PKD1L1: variants seen among roughly 807,000 people sequenced by gnomAD.
PKD1L1 encodes polycystin-1-like protein 1.
A neutral mutation model predicts 323.4 loss-of-function variants in PKD1L1; 236 were observed. That is an observed-to-expected ratio of 0.73 (90% CI 0.66 to 0.81). The LOEUF is 0.81. PKD1L1 is among the 40% of genes least tolerant of loss of function. The probability of loss-of-function intolerance (pLI) is 0.00; values close to 1 mark genes in which losing one functional copy is unlikely to be tolerated. For synonymous variants in PKD1L1, 1,344 were observed against 1,335.0 expected, an observed-to-expected ratio of 1.01 and a Z score of -0.15; for missense variants, 3,320 against 3,508.0, an observed-to-expected ratio of 0.95 and a Z score of 1.35.
chr7:47,808,920 C>T (rs948790912), intron 51 of PKD1L1, among the ~76,000 whole-genome samples: 9 of 152,158 alleles, frequency 5.9e-5, no homozygotes, highest in African/African-American at 1.9e-4. Flanking sequence ...TTTGTAAACA[C>T]GTTTTTCTTT....
chr7:47,904,552 C>G lies in PKD1L1; in HGVS notation c.1757G>C (p.Arg586Thr). 6.2e-7 allele frequency: 1 copy of G among 1,614,162 alleles called. No individual in the cohort carries two copies. Among genetic ancestry groups the G allele is most frequent in the Non-Finnish European group, 8.5e-7 (1 of 1,180,028 alleles). The change falls in exon 12 of 57, where the codon AGG becomes ACG. Residue 586 changes from arginine (R) to threonine (T), a missense_variant. Physicochemically the swap from Arg to Thr is moderately conservative, Grantham distance 71. Coordinates refer to ENST00000289672, the MANE Select transcript of PKD1L1 (RefSeq NM_138295.5). ...SSVVSEPHVI[R>T]VQKKIVANRL... Reference sequence around the variant, plus strand: ...ATTGGCCACAATTTTCTTCTGCACCCTGATGACATGGGGCTCAGAGACCAC... The same window carrying G: ...ATTGGCCACAATTTTCTTCTGCACCGTGATGACATGGGGCTCAGAGACCAC...
chr7:47,811,581 C>T (rs1397202764), intron 50 of PKD1L1, among the ~76,000 whole-genome samples: 1 of 152,232 alleles, frequency 6.6e-6, no homozygotes, highest in African/African-American at 2.4e-5. Flanking sequence ...CAAGACAGCT[C>T]TATATTTGCC....
rs564595345 is a variant in PKD1L1 at position 47,798,609 on chromosome 7, G to T, written c.8193+2040C>A. Among the ~76,000 whole-genome samples, 142 of 152,084 alleles carry T rather than the reference G, an allele frequency of 9.3e-4. 7 individuals carry two copies. In the South Asian group the frequency reaches 0.028, roughly 30 times the overall value. On this transcript the variant is annotated intron_variant, in intron 54 of 56. Coordinates refer to ENST00000289672, the MANE Select transcript of PKD1L1 (RefSeq NM_138295.5). ...TGTCTCTACTAAAAATACAAAATTAGCTGGGTGTGGTGGCACACGCCTGTA... is the reference window on the plus strand; with the variant it reads ...TGTCTCTACTAAAAATACAAAATTATCTGGGTGTGGTGGCACACGCCTGTA...
intron 33 of PKD1L1, among the ~76,000 whole-genome samples, chr7:47,843,639 C>T (rs1214149067): frequency 6.6e-6 from 1 of 152,202 alleles, no homozygotes; most frequent in African/African-American, 2.4e-5. Context: ...CCTCCCACCG[C>T]CCCTGTGGAT....
chr7:47,800,133 T>G (rs1251135896), intron 54 of PKD1L1, among the ~76,000 whole-genome samples: 4 of 152,058 alleles, frequency 2.6e-5, no homozygotes, highest in African/African-American at 9.7e-5. Context: ...GAGACTCTTC[T>G]TCCACTGAAG....
In PKD1L1 at chr7:47,858,787, C is replaced by A. The variant is rs751047414; in HGVS notation, c.4248G>T (p.Arg1416Ser). 6.2e-7 allele frequency: 1 copy of A among 1,614,176 alleles called. No homozygotes were observed. Among genetic ancestry groups the A allele is most frequent in the East Asian group, 2.2e-5 (1 of 44,878 alleles). Residue 1416 changes from arginine (R) to serine (S), a missense_variant, in exon 27 of 57, where the codon AGG (arginine) becomes AGT (serine). Physicochemically the swap from Arg to Ser is moderately radical, Grantham distance 110 (BLOSUM62 -1). Coordinates refer to ENST00000289672, the MANE Select transcript of PKD1L1 (RefSeq NM_138295.5). ...SGPFVIDKGV[R>S]LELIGLISRV... ...TGGATATGAGACCGATGAGCTCAAG[C>A]CTCACTCCTTTGTCAATCACAAATG...
intron 24 of PKD1L1, 107 bp downstream of exon 24, chr7:47,873,792 T>A: frequency 1.3e-6 from 1 of 741,782 alleles, no homozygotes. Context: ...CTTAAGAAGA[T>A]GAGTTCCTGA....
intron 1 of PKD1L1, among the ~76,000 whole-genome samples, chr7:47,945,108 G>A (rs1012581498): frequency 6.6e-6 from 1 of 152,158 alleles, no homozygotes; most frequent in African/African-American, 2.4e-5. Context: ...CTGTTTGAGA[G>A]GAACGACACA....
At chr7:47,835,970 A>G (rs1441665014) in intron 37 of PKD1L1, among the ~76,000 whole-genome samples, 1 of 152,158 alleles carries the variant, frequency 6.6e-6, no homozygotes, top group Non-Finnish European at 1.5e-5. Context: ...ATCAACCCAC[A>G]AGGTACCAAT....
At chr7:47,866,352 C>G in intron 25 of PKD1L1, 67 bp downstream of exon 25, 1 of 1,514,146 alleles carries the variant, frequency 6.6e-7, no homozygotes, top group Non-Finnish European at 8.9e-7. Context: ...AGTGAGCCAG[C>G]CAGTCATGAG....
chr7:47,888,366 A>T (rs955919157), intron 16 of PKD1L1, among the ~76,000 whole-genome samples: 3 of 152,226 alleles, frequency 2.0e-5, no homozygotes, highest in Non-Finnish European at 4.4e-5. Flanking sequence ...TGTGAGATCC[A>T]GTGAGGCAAG....
chr7:47,806,011 G>A (rs1347440929), intron 52 of PKD1L1, among the ~76,000 whole-genome samples: 1 of 152,226 alleles, frequency 6.6e-6, no homozygotes, highest in Non-Finnish European at 1.5e-5. Flanking sequence ...CCAGGGAAGA[G>A]GGGCTCTCCC....
chr7:47,945,238 G>A (rs1384992943), intron 1 of PKD1L1, among the ~76,000 whole-genome samples: 1 of 152,212 alleles, frequency 6.6e-6, no homozygotes, highest in Admixed American at 6.5e-5. Flanking sequence ...CCTGAAAAAT[G>A]CATTCAGCTC....
chr7:47,822,360 G>A (rs1431601078), intron 45 of PKD1L1, among the ~76,000 whole-genome samples: 1 of 152,010 alleles, frequency 6.6e-6, no homozygotes, highest in Non-Finnish European at 1.5e-5. Flanking sequence ...GGAGGCCAAG[G>A]CAGGCGGATC....
chr7:47,780,389 T>C (rs1584938790), intron 56 of PKD1L1, among the ~76,000 whole-genome samples: 1 of 152,288 alleles, frequency 6.6e-6, no homozygotes, highest in East Asian at 1.9e-4. Flanking sequence ...CCCAGCATTT[T>C]AGGAGGCTGA....
chr7:47,959,507 G>A, the PKD1L1 span, among the ~76,000 whole-genome samples: 5 of 148,284 alleles, frequency 3.4e-5, no homozygotes, highest in East Asian at 6.1e-4. Flanking sequence ...GCCTCTACCC[G>A]GCCGCGACCC....
Position 47,853,171 on chromosome 7 carries a change from T to A in PKD1L1, c.4916A>T (p.Asp1639Val). Residue 1639 changes from aspartate (D) to valine (V), a missense_variant, in exon 31 of 57, where the codon GAT (aspartate) becomes GTT (valine). Physicochemically the swap from Asp to Val is radical, Grantham distance 152 (BLOSUM62 -3). Coordinates refer to ENST00000289672, the MANE Select transcript of PKD1L1 (RefSeq NM_138295.5). ...TATATAAATCTGCACAATTGACTCA[T>A]CCCAGAAGTAGATCTGCTTCACAAG... ...DFLVKQIYFW[D>V]ESIVQIYIPA... The A allele has an allele frequency of 6.2e-7, 1 of 1,613,890 alleles. No individual in the cohort carries two copies. Among genetic ancestry groups the A allele is most frequent in the South Asian group, 1.1e-5 (1 of 91,070 alleles).
At chr7:47,948,224 C>T (rs1434246739) in intron 1 of PKD1L1, among the ~76,000 whole-genome samples, 173 bp downstream of exon 1, 3 of 152,186 alleles carry the variant, frequency 2.0e-5, no homozygotes, top group Non-Finnish European at 4.4e-5. Flanking sequence ...TTCTCAACAC[C>T]AACTCCAACC....
At chr7:47,960,064 C>T in the PKD1L1 span, among the ~76,000 whole-genome samples, 1 of 151,916 alleles carries the variant, frequency 6.6e-6, no homozygotes, top group African/African-American at 2.4e-5. Flanking sequence ...TGATCAGTGA[C>T]CCTATCCCCA....
Sources: gnomAD v4.1 joint callset for allele counts (sites outside exome capture counted in the v4.1 genomes callset) on GRCh38, gnomAD v4.1.1 for gene constraint, MANE v1.5 for transcripts, NCBI Gene and HGNC (gene_info 2026-07-23, HGNC 2026-07-21) for gene names.